BFSP2: variants seen among roughly 807,000 people sequenced by gnomAD.
BFSP2 encodes the protein beaded filament structural protein 2, also known as phakinin.
BFSP2 carries 38 observed loss-of-function variants against 44.9 expected under a neutral mutation model. The ratio of observed to expected loss-of-function variants is 0.85; its 90% CI spans 0.65 to 1.11. The LOEUF is 1.11. Among genes scored for constraint, BFSP2 ranks in the 50% least tolerant of loss-of-function variants. The probability of loss-of-function intolerance (pLI) is 0.00; values close to 1 mark genes in which losing one functional copy is unlikely to be tolerated. For missense variants in BFSP2, 525 were observed against 533.0 expected (o/e 0.99, Z 0.15); for synonymous variants, 197 against 209.9 (o/e 0.94, Z 0.53).
At chr3:133,461,615 T>G (rs1348156648) in intron 4 of BFSP2, among the ~76,000 whole-genome samples, 1 of 152,178 alleles carries the variant, frequency 6.6e-6, no homozygotes, top group Non-Finnish European at 1.5e-5. Flanking sequence ...AGAGTTATAA[T>G]AACCAGAAAG....
In BFSP2 at chr3:133,400,368, C is replaced by T. The variant is rs748115575; in HGVS notation, c.285C>T (p.Thr95=). 1.4e-5 allele frequency: 23 copies of T among 1,614,056 alleles called. No individual in the cohort carries two copies. In the Admixed American group the frequency reaches 3.2e-4, roughly 22 times the overall value. The change falls in exon 1 of 7, where the codon ACC becomes ACT. Residue 95 remains threonine (T), a synonymous_variant. Transcript: ENST00000302334. This position sits in a 1 kb window ranked among gnomAD's most constrained non-coding sequence, Gnocchi z 4.0. ...LQGLRSSGLA[T]VPAPGLERDH... ...GCCTGCGGAGCTCAGGCCTGGCCAC[C>T]GTGCCGGCTCCAGGTTTGGAGAGGG...
intron 1 of BFSP2, among the ~76,000 whole-genome samples, chr3:133,408,068 A>G (rs1308376499): frequency 6.6e-6 from 1 of 152,210 alleles, no homozygotes; most frequent in Non-Finnish European, 1.5e-5. Flanking sequence ...ATATCACCAT[A>G]AGCAAAATTA....
At chr3:133,431,848 T>C (rs894787706) in intron 1 of BFSP2, among the ~76,000 whole-genome samples, 38 of 152,242 alleles carry the variant, frequency 2.5e-4, no homozygotes, top group Admixed American at 5.2e-4. Context: ...AGCACTCCTT[T>C]TTAGTTATCC....
chr3:133,412,796 G>T (rs948263955), intron 1 of BFSP2, among the ~76,000 whole-genome samples: 1 of 152,230 alleles, frequency 6.6e-6, no homozygotes, highest in Non-Finnish European at 1.5e-5. Context: ...AACCAGACAG[G>T]CTCCAGGTTT....
intron 4 of BFSP2, among the ~76,000 whole-genome samples, chr3:133,462,900 G>C (rs1019687259): frequency 2.0e-5 from 3 of 152,138 alleles, no homozygotes; most frequent in Non-Finnish European, 4.4e-5. Context: ...AAATCTGTAG[G>C]GGGTCTGAAG....
intron 4 of BFSP2, among the ~76,000 whole-genome samples, chr3:133,451,487 T>C (rs1244714158): frequency 1.3e-5 from 2 of 152,194 alleles, no homozygotes; most frequent in Admixed American, 6.5e-5. Flanking sequence ...CTGTAGCCAA[T>C]AGGTAGCTAA....
rs570428167 is a variant in BFSP2 at position 133,447,966 on chromosome 3, C to A, written c.573-523C>A. On this transcript the variant is annotated intron_variant, in intron 2 of 6. Coordinates refer to ENST00000302334, the MANE Select transcript of BFSP2 (RefSeq NM_003571.4). ...GCTCACCAGGTGACTTAATGTGCAT[C>A]CAGGCTTGAGAACCGTGCTCAGCTA... 7.2e-5 allele frequency among the ~76,000 whole-genome samples: 11 copies of A among 152,316 alleles called. No individual in the cohort carries two copies. The South Asian group carries it at 2.1e-3, about 29-fold the overall frequency.
chr3:133,410,738 G>T, intron 1 of BFSP2: 1 of 239,276 alleles, frequency 4.2e-6, no homozygotes, highest in South Asian at 7.3e-5. Flanking sequence ...TGTCCTCTGA[G>T]CGCTACAGTA....
chr3:133,421,935 C>T (rs1363496306), intron 1 of BFSP2, among the ~76,000 whole-genome samples: 1 of 151,892 alleles, frequency 6.6e-6, no homozygotes, highest in Non-Finnish European at 1.5e-5. Flanking sequence ...GGTGAAAACC[C>T]GCCTCTACTA....
At chr3:133,462,750 G>T (rs1576595976) in intron 4 of BFSP2, among the ~76,000 whole-genome samples, 1 of 152,102 alleles carries the variant, frequency 6.6e-6, no homozygotes, top group Non-Finnish European at 1.5e-5. Flanking sequence ...AGCATGACTT[G>T]CTATTTCTTG....
chr3:133,430,218 G>A (rs1236722955), intron 1 of BFSP2, among the ~76,000 whole-genome samples: 4 of 151,848 alleles, frequency 2.6e-5, no homozygotes, highest in Non-Finnish European at 5.9e-5. Context: ...ATAAACATAC[G>A]TGTGCATGTG....
At chr3:133,468,285 G>C (rs961051871) in intron 5 of BFSP2, among the ~76,000 whole-genome samples, 1 of 152,044 alleles carries the variant, frequency 6.6e-6, no homozygotes, top group African/African-American at 2.4e-5. Flanking sequence ...CTTCGTGGTG[G>C]GTGCTCTCCT....
At chr3:133,422,078 G>A (rs2107894734) in intron 1 of BFSP2, among the ~76,000 whole-genome samples, 1 of 126,920 alleles carries the variant, frequency 7.9e-6, no homozygotes, top group East Asian at 2.5e-4. Context: ...CTGCACTCCA[G>A]CCTGGCAACA....
At chr3:133,430,538 G>A (rs1049186009) in intron 1 of BFSP2, among the ~76,000 whole-genome samples, 6 of 152,146 alleles carry the variant, frequency 3.9e-5, no homozygotes, top group East Asian at 3.9e-4. Flanking sequence ...ATACATACTC[G>A]ACAGTAGTTC....
intron 6 of BFSP2, among the ~76,000 whole-genome samples, chr3:133,474,734 C>A (rs1049399641): frequency 1.3e-4 from 20 of 152,290 alleles, no homozygotes; most frequent in African/African-American, 4.8e-4. Flanking sequence ...CAAACCCTGC[C>A]AAGACAACCT....
chr3:133,421,888 C>A (rs538784459), intron 1 of BFSP2, among the ~76,000 whole-genome samples: 28 of 152,200 alleles, frequency 1.8e-4, no homozygotes, highest in Admixed American at 1.6e-3. Context: ...GCGGGTGGAT[C>A]ACAAGGTCAA....
intron 1 of BFSP2, among the ~76,000 whole-genome samples, chr3:133,420,658 C>T (rs961320198): frequency 1.9e-4 from 29 of 152,202 alleles, no homozygotes; most frequent in African/African-American, 7.0e-4. Context: ...GCCTCCTCCT[C>T]CACAGTAGTG....
At chr3:133,411,791 G>A (rs774259942) in intron 1 of BFSP2, among the ~76,000 whole-genome samples, 37 of 151,976 alleles carry the variant, frequency 2.4e-4, no homozygotes, top group Non-Finnish European at 4.7e-4. Flanking sequence ...TCCAAACTCT[G>A]GGAAACTATA....
chr3:133,450,680 G>A (rs1025977391), intron 4 of BFSP2, among the ~76,000 whole-genome samples: 2 of 152,230 alleles, frequency 1.3e-5, no homozygotes, highest in Non-Finnish European at 2.9e-5. Context: ...TGGCAAGTAT[G>A]TGGAGAAGTA....
Sources: allele counts gnomAD v4.1 joint callset (sites outside exome capture counted in the v4.1 genomes callset), GRCh38; gene constraint gnomAD v4.1.1; non-coding constraint Gnocchi (gnomAD v3.1); transcripts MANE v1.5; gene names NCBI Gene and HGNC (gene_info 2026-07-23, HGNC 2026-07-21).